The following SEC24B variants were observed in gnomAD, a reference collection of about 807,000 sequenced individuals.
The protein encoded by SEC24B is protein transport protein Sec24B.
In SEC24B, 45 loss-of-function variants were observed where a neutral mutation model predicts 142.8. The observed-to-expected ratio is 0.32, with a 90% confidence interval of 0.25 to 0.40. The LOEUF (loss-of-function observed/expected upper bound fraction) is 0.40, where lower values mean the gene tolerates loss of function less well. Among genes scored for constraint, SEC24B ranks in the 10% least tolerant of loss-of-function variants. The pLI is 1.00. For synonymous variants in SEC24B, 574 were observed against 568.2 expected (o/e 1.01, Z -0.15); for missense variants, 1,409 against 1,526.8 (o/e 0.92, Z 1.29).
chr4:109,538,519 T>G lies in SEC24B; in HGVS notation c.3615T>G (p.Leu1205=). ...KMTHLPELDT[L]SSERARSFIT... is the part of the protein sequence containing the mutation. The stretch of plus-strand genomic sequence containing the variant: ...CACATCTTCCAGAGCTAGATACACT[T>G]TCATCAGAAAGAGCCAGATCCTTCA... The change falls in exon 23 of 24, where the codon CTT becomes CTG. Residue 1205 remains leucine (L), a synonymous_variant. Coordinates refer to ENST00000265175, the MANE Select transcript of SEC24B (RefSeq NM_006323.5). 1.2e-6 allele frequency: 2 copies of G among 1,613,110 alleles called. No individual in the cohort carries two copies. Among genetic ancestry groups the G allele is most frequent in the Non-Finnish European group, 1.7e-6 (2 of 1,179,138 alleles).
intron 1 of SEC24B, among the ~76,000 whole-genome samples, chr4:109,439,898 A>T (rs1388687910): frequency 6.6e-6 from 1 of 151,288 alleles, no homozygotes; most frequent in Non-Finnish European, 1.5e-5. Flanking sequence ...AGGCGGGCGG[A>T]TCACTTGAGG....
Position 109,524,903 on chromosome 4 carries a change from T to TC in SEC24B, c.2596dup (p.Leu866ProfsTer8). ...GGACAGCAAACTGCAGTGGATTTGT[T>TC]CCTTTTAAGTTCACAGTATTCTGAT... On this transcript the variant is annotated frameshift_variant, in exon 15 of 24. Transcript: ENST00000265175. LOFTEE classifies it high-confidence loss of function. 1 of 1,612,534 alleles carries TC rather than the reference T, an allele frequency of 6.2e-7. No homozygotes were observed. Among genetic ancestry groups the TC allele is most frequent in the Non-Finnish European group, 8.5e-7 (1 of 1,179,216 alleles).
intron 1 of SEC24B, among the ~76,000 whole-genome samples, chr4:109,455,197 T>G (rs892400861): frequency 6.6e-6 from 1 of 152,108 alleles, no homozygotes; most frequent in Non-Finnish European, 1.5e-5. Context: ...AATCCCAGAT[T>G]CCCTTCAAAA....
intron 11 of SEC24B, among the ~76,000 whole-genome samples, chr4:109,518,296 A>G (rs143380216): frequency 9.7e-4 from 148 of 152,240 alleles, no homozygotes; most frequent in African/African-American, 3.5e-3. Flanking sequence ...GAACCATCCA[A>G]ATCTCTGGAA....
intron 2 of SEC24B, among the ~76,000 whole-genome samples, chr4:109,469,713 A>G (rs996369369): frequency 6.6e-6 from 1 of 152,242 alleles, no homozygotes; most frequent in Non-Finnish European, 1.5e-5. Flanking sequence ...GAAAATCTCT[A>G]TCTCTAGAAC....
At chr4:109,434,174 A>T (rs1361316894) in intron 1 of SEC24B, among the ~76,000 whole-genome samples, 172 bp downstream of exon 1, 1 of 84,232 alleles carries the variant, frequency 1.2e-5, no homozygotes, top group Non-Finnish European at 2.5e-5. Context: ...GGGTGCGGGT[A>T]GGGGGCAGGG....
intron 4 of SEC24B, among the ~76,000 whole-genome samples, chr4:109,486,408 G>A (rs1030380708): frequency 1.3e-5 from 2 of 152,156 alleles, no homozygotes. Flanking sequence ...ACAGAAAACA[G>A]CTTAAGCCTT....
chr4:109,530,527 A>G, intron 19 of SEC24B, 63 bp downstream of exon 19: 1 of 1,316,872 alleles, frequency 7.6e-7, no homozygotes, highest in Non-Finnish European at 1.1e-6. Flanking sequence ...ATGTACATGA[A>G]GAAAGGAAAT....
chr4:109,466,601 AG>A (rs1459026321), intron 2 of SEC24B, among the ~76,000 whole-genome samples: 1 of 152,070 alleles, frequency 6.6e-6, no homozygotes, highest in Non-Finnish European at 1.5e-5. Context: ...TAGTAGAGAC[AG>A]GGTTTCACCA....
At chr4:109,498,545 T>C (rs1735773325) in intron 6 of SEC24B, among the ~76,000 whole-genome samples, 2 of 152,098 alleles carry the variant, frequency 1.3e-5, no homozygotes, top group South Asian at 4.1e-4. Flanking sequence ...TTTGTATTTT[T>C]AGTAGAGACA....
chr4:109,436,392 A>G (rs532065459), intron 1 of SEC24B, among the ~76,000 whole-genome samples: 49 of 152,254 alleles, frequency 3.2e-4, no homozygotes, highest in South Asian at 1.7e-3. Flanking sequence ...ATATATCTCT[A>G]TGGAATTCCA....
intron 1 of SEC24B, among the ~76,000 whole-genome samples, chr4:109,454,077 C>T (rs1053984737): frequency 3.3e-5 from 5 of 152,116 alleles, no homozygotes; most frequent in South Asian, 2.1e-4. Flanking sequence ...AGGCTGGTCT[C>T]GAACTCCTGA....
At chr4:109,513,985 C>T (rs903806626) in intron 10 of SEC24B, 129 bp downstream of exon 10, 1 of 598,738 alleles carries the variant, frequency 1.7e-6, no homozygotes, top group South Asian at 2.0e-5. Context: ...CAAATTAATG[C>T]TGGAAGTTTA....
At chr4:109,468,447 A>G (rs551983558) in intron 2 of SEC24B, among the ~76,000 whole-genome samples, 1 of 152,306 alleles carries the variant, frequency 6.6e-6, no homozygotes, top group East Asian at 1.9e-4. Context: ...ATCAGCCTCA[A>G]TTTCTGCTGG....
chr4:109,463,520 G>A lies in SEC24B; in HGVS notation c.753G>A (p.Gln251=), dbSNP rs753934682. 3.1e-6 allele frequency: 5 copies of A among 1,614,012 alleles called. No individual in the cohort carries two copies. The highest frequency in any genetic ancestry group is 2.2e-5 in the East Asian group (1 of 44,894). ...TACCATCACAACAGCACCACCAGCA[G>A]CAAAGTCTTTCAGGATACAGTACTC... ...PPLPSQQHHQ[Q]QSLSGYSTLT... The change falls in exon 2 of 24, where the codon CAG becomes CAA. Residue 251 remains glutamine (Q), a synonymous_variant. Transcript: ENST00000265175.
chr4:109,536,282 G>A (rs1453573742), intron 22 of SEC24B, among the ~76,000 whole-genome samples: 1 of 152,166 alleles, frequency 6.6e-6, no homozygotes, highest in Non-Finnish European at 1.5e-5. Flanking sequence ...CAGTGGGACA[G>A]AATAGAGTTC....
At chr4:109,532,506 T>C (rs1357565038) in intron 20 of SEC24B, 133 bp from the exon 21 acceptor site, 3 of 650,978 alleles carry the variant, frequency 4.6e-6, no homozygotes, top group Non-Finnish European at 8.2e-6. Context: ...TAGCATATAA[T>C]CAGTATTTTT....
At chr4:109,458,567 T>A (rs1338806062) in intron 1 of SEC24B, among the ~76,000 whole-genome samples, 8 of 152,084 alleles carry the variant, frequency 5.3e-5, no homozygotes, top group Non-Finnish European at 5.9e-5. Context: ...GTTAAAAAAA[T>A]GAAAACCTAA....
At chr4:109,485,547 T>C (rs1305230726) in intron 4 of SEC24B, among the ~76,000 whole-genome samples, 1 of 152,234 alleles carries the variant, frequency 6.6e-6, no homozygotes, top group African/African-American at 2.4e-5. Flanking sequence ...AAGACTATAT[T>C]ATTGACATTT....
Sources: allele counts gnomAD v4.1 joint callset (sites outside exome capture counted in the v4.1 genomes callset), GRCh38; gene constraint gnomAD v4.1.1; transcripts MANE v1.5; gene names NCBI Gene and HGNC (gene_info 2026-07-23, HGNC 2026-07-21).